SWAP70: variants seen among roughly 807,000 people sequenced by gnomAD.
SWAP70 encodes switching B cell complex subunit SWAP70.
A neutral mutation model predicts 80.2 loss-of-function variants in SWAP70; 34 were observed. That is an observed-to-expected ratio of 0.42 (90% CI 0.32 to 0.56). SWAP70 has a LOEUF of 0.56. SWAP70 is among the 20% of genes least tolerant of loss of function. The pLI, the probability that SWAP70 is intolerant of heterozygous loss-of-function variation, is 0.09. For missense variants in SWAP70, 578 were observed against 690.7 expected (o/e 0.84, Z 1.83); for synonymous variants, 239 against 238.5 (o/e 1.00, Z -0.02).
chr11:9,735,885 A>C (rs1005018940), intron 7 of SWAP70, among the ~76,000 whole-genome samples: 1 of 151,804 alleles, frequency 6.6e-6, no homozygotes, highest in African/African-American at 2.4e-5. Flanking sequence ...TTTAGAGTGT[A>C]TTGAACTTGA....
rs147016508 is a variant in SWAP70, at chr11:9,700,706, C to T, written c.240+6420C>T. On this transcript the variant is annotated intron_variant, in intron 2 of 11. Coordinates refer to ENST00000318950, the MANE Select transcript of SWAP70 (RefSeq NM_015055.4). ...AACTGTACTATTGAAGGATTATTTG[C>T]TCCCTTTAGGAATTAAGTTTTTTTC... is the stretch of plus-strand genomic sequence containing the variant. 1.5e-3 allele frequency among the ~76,000 whole-genome samples: 229 copies of T among 152,288 alleles called. 2 individuals are homozygous for T. Among genetic ancestry groups the T allele is most frequent in the Admixed American group, 0.011 (174 of 15,296 alleles).
chr11:9,689,589 T>C (rs1850671163), intron 1 of SWAP70, among the ~76,000 whole-genome samples: 1 of 152,206 alleles, frequency 6.6e-6, no homozygotes, highest in Non-Finnish European at 1.5e-5. Context: ...TTCAAGAAAC[T>C]TGCAAACACC....
chr11:9,719,038 G>GA (rs1428786138), intron 3 of SWAP70, among the ~76,000 whole-genome samples: 1 of 149,044 alleles, frequency 6.7e-6, no homozygotes, highest in African/African-American at 2.5e-5. Flanking sequence ...ACATTGTAGT[G>GA]AGCTGTGATC....
At chr11:9,674,274 G>A (rs770746300) in intron 1 of SWAP70, among the ~76,000 whole-genome samples, 61 of 152,130 alleles carry the variant, frequency 4.0e-4, no homozygotes, top group Non-Finnish European at 8.1e-4. Context: ...ATGGCGTTAT[G>A]AGCCAGGGAC....
At chr11:9,695,480 T>C (rs1850744352) in intron 2 of SWAP70, among the ~76,000 whole-genome samples, 1 of 152,054 alleles carries the variant, frequency 6.6e-6, no homozygotes, top group African/African-American at 2.4e-5. Flanking sequence ...GGGACATGGA[T>C]GAAGCTGGAA....
At chr11:9,724,363 A>G (rs1851179498) in intron 3 of SWAP70, among the ~76,000 whole-genome samples, 1 of 152,266 alleles carries the variant, frequency 6.6e-6, no homozygotes. Context: ...AGATCACATT[A>G]ATTAGTTTGT....
At chr11:9,711,786 C>T (rs955564927) in intron 2 of SWAP70, among the ~76,000 whole-genome samples, 1 of 152,162 alleles carries the variant, frequency 6.6e-6, no homozygotes, top group African/African-American at 2.4e-5. Context: ...CTAGCCTTTG[C>T]GTTAGATCTG....
intron 2 of SWAP70, among the ~76,000 whole-genome samples, chr11:9,696,362 G>A (rs965714017): frequency 6.6e-6 from 1 of 152,122 alleles, no homozygotes; most frequent in Non-Finnish European, 1.5e-5. Flanking sequence ...TAGTACATAA[G>A]CAGTTAATAC....
At chr11:9,680,634 T>C (rs892854835) in intron 1 of SWAP70, among the ~76,000 whole-genome samples, 64 of 152,256 alleles carry the variant, frequency 4.2e-4, no homozygotes, top group Admixed American at 2.8e-3. Context: ...CAGGCTGGTG[T>C]CGAACTCCTG....
At chr11:9,731,265 T>C (rs2133809937) in intron 6 of SWAP70, among the ~76,000 whole-genome samples, 2 of 152,304 alleles carry the variant, frequency 1.3e-5, no homozygotes, top group Admixed American at 1.3e-4. Flanking sequence ...GATAAAATTA[T>C]GTTATATTGG....
chr11:9,667,931 C>G (rs1565107855), intron 1 of SWAP70, among the ~76,000 whole-genome samples: 1 of 152,188 alleles, frequency 6.6e-6, no homozygotes, highest in Non-Finnish European at 1.5e-5. Context: ...CTTTATCACC[C>G]AGGCTGGAGT....
chr11:9,703,692 G>A lies in SWAP70; in HGVS notation c.240+9406G>A, dbSNP rs1396294145. 2.6e-5 allele frequency among the ~76,000 whole-genome samples: 4 copies of A among 152,120 alleles called. No homozygotes were observed. In the South Asian group the frequency reaches 6.2e-4, roughly 24 times the overall value. On this transcript the variant is annotated intron_variant, in intron 2 of 11. Coordinates refer to ENST00000318950, the MANE Select transcript of SWAP70 (RefSeq NM_015055.4). ...CTCTCCAGACTCTGAGTTCTGTGAC[G>A]GCAAGAACTGGTTCACTGTTATCCA...
Position 9,751,684 on chromosome 11 carries a change from T to C in SWAP70, c.*1714T>C, listed in dbSNP as rs1002896966. On this transcript the variant is annotated 3_prime_UTR_variant, in exon 12 of 12. Coordinates refer to ENST00000318950, the MANE Select transcript of SWAP70 (RefSeq NM_015055.4). ...TAGAGATTCAGTGTATGTATTTATTTACATGAGAGGAAACTGGAATATAAT... is the reference window on the plus strand; with the variant it reads ...TAGAGATTCAGTGTATGTATTTATTCACATGAGAGGAAACTGGAATATAAT... The C allele has an allele frequency of 1.8e-5, 1 of 54,650 alleles. No individual in the cohort carries two copies. The highest frequency in any genetic ancestry group is 4.5e-5 in the Non-Finnish European group (1 of 22,278). The allele number at this position is 54,650 out of a possible 1,614,324, so 3.4% of individuals were successfully genotyped here.
At chr11:9,710,776 T>TA (rs1850987050) in intron 2 of SWAP70, among the ~76,000 whole-genome samples, 1 of 151,472 alleles carries the variant, frequency 6.6e-6, no homozygotes, top group African/African-American at 2.4e-5. Context: ...ACCACCTGGG[T>TA]ACAAGCAATC....
chr11:9,739,082 G>T (rs1284732076), intron 8 of SWAP70, among the ~76,000 whole-genome samples: 1 of 152,174 alleles, frequency 6.6e-6, no homozygotes, highest in African/African-American at 2.4e-5. Context: ...CAAGGATGGC[G>T]GGGGTGAGAT....
chr11:9,681,278 G>T (rs924465104), intron 1 of SWAP70: 5 of 152,218 alleles, frequency 3.3e-5, no homozygotes, highest in African/African-American at 4.8e-5. Context: ...TGAGCAGAAA[G>T]GAAATACTGT....
intron 1 of SWAP70, among the ~76,000 whole-genome samples, chr11:9,671,995 T>G (rs1850417933): frequency 8.5e-6 from 1 of 117,200 alleles, no homozygotes. Context: ...ATATTTTATA[T>G]AATATATAAA....
At chr11:9,740,378 A>C (rs762702314) in intron 9 of SWAP70, 31 bp downstream of exon 9, 1 of 1,611,730 alleles carries the variant, frequency 6.2e-7, no homozygotes, top group South Asian at 1.1e-5. Flanking sequence ...CTTTGCCTTT[A>C]TGTACTTTGC....
intron 2 of SWAP70, chr11:9,703,558 C>T (rs891923658): frequency 2.2e-6 from 1 of 452,078 alleles, no homozygotes; most frequent in African/African-American, 2.0e-5. Flanking sequence ...CCACCCTTCC[C>T]AGAGCTAACC....
Sources: gnomAD v4.1 joint callset for allele counts (sites outside exome capture counted in the v4.1 genomes callset) on GRCh38, gnomAD v4.1.1 for gene constraint, MANE v1.5 for transcripts, NCBI Gene and HGNC (gene_info 2026-07-23, HGNC 2026-07-21) for gene names.